Variants in CRTC2 observed in about 807,000 individuals in gnomAD.
The protein encoded by CRTC2 is CREB-regulated transcription coactivator 2.
Under a neutral mutation model 70.9 loss-of-function variants are expected in CRTC2, and 25 were observed. The observed-to-expected ratio is 0.35, with a 90% confidence interval of 0.26 to 0.49. The LOEUF is 0.49. Among genes scored for constraint, CRTC2 ranks in the 20% least tolerant of loss-of-function variants. The probability of loss-of-function intolerance (pLI) is 0.98; values close to 1 mark genes in which losing one functional copy is unlikely to be tolerated. For missense variants in CRTC2, 737 were observed against 882.6 expected, an observed-to-expected ratio of 0.83 and a Z score of 2.09; for synonymous variants, 330 against 364.1, an observed-to-expected ratio of 0.91 and a Z score of 1.07.
At position 153,958,525 on chromosome 1, in the gene CRTC2, C is replaced by G. The variant is rs369667039; in HGVS notation, c.-28G>C. 5 of 1,573,234 alleles carry G rather than the reference C, an allele frequency of 3.2e-6. No homozygotes were observed. In the South Asian group the frequency reaches 3.4e-5, roughly 11 times the overall value. ...TCCTTCCCCGTCCCTCCCTGCCACC[C>G]TCCCAGTACCAGCCGCGGCCTCCGC... On this transcript the variant is annotated 5_prime_UTR_variant, in exon 1 of 14. Transcript: ENST00000368633.
At chr1:153,953,852 T>C (rs1434958093) in intron 4 of CRTC2, among the ~76,000 whole-genome samples, 1 of 152,172 alleles carries the variant, frequency 6.6e-6, no homozygotes, top group African/African-American at 2.4e-5. Context: ...GCAGCATTCC[T>C]GGGTATGAGC....
intron 7 of CRTC2, 40 bp from the exon 8 acceptor site, chr1:153,952,675 G>A (rs1680419253): frequency 6.2e-7 from 1 of 1,612,432 alleles, no homozygotes; most frequent in African/African-American, 1.3e-5. Context: ...GTTGGAGAAA[G>A]AGCCAGTAAG....
intron 13 of CRTC2, 48 bp downstream of exon 13, chr1:153,948,410 T>C (rs1680134991): frequency 6.2e-7 from 1 of 1,610,166 alleles, no homozygotes; most frequent in East Asian, 2.2e-5. Context: ...CATTAGTGAA[T>C]GTGTCACTTC....
Position 153,952,234 on chromosome 1 carries a change from T to C in CRTC2, c.781A>G (p.Asn261Asp). ...ATGGCAGGTGGGAGGACAGGCACAT[T>C]GGCAGGCTGGTCAGGAGATGGAAAG... is the stretch of plus-strand genomic sequence containing the variant. ...NIFPSPDQPA[N>D]VPVLPPAMNT... Residue 261 changes from asparagine to aspartate, a missense_variant, in exon 10 of 14, where the codon AAT (asparagine) becomes GAT (aspartate). Asn to Asp is a conservative substitution (Grantham distance 23, BLOSUM62 1). This residue lies in a region of CRTC2 where 699 missense variants were observed against 823.7 expected (regional missense o/e 0.85). Coordinates refer to ENST00000368633, the MANE Select transcript of CRTC2 (RefSeq NM_181715.3). 6 of 1,610,272 alleles carry C rather than the reference T, an allele frequency of 3.7e-6. No homozygotes were observed. Among genetic ancestry groups the C allele is most frequent in the Non-Finnish European group, 5.1e-6 (6 of 1,177,510 alleles).
At chr1:153,956,286 C>T (rs1298822004) in intron 1 of CRTC2, among the ~76,000 whole-genome samples, 5 of 152,260 alleles carry the variant, frequency 3.3e-5, no homozygotes, top group Admixed American at 2.6e-4. Flanking sequence ...CAGCCCACTC[C>T]AGCATGGGCC....
rs1390729055 is a variant in CRTC2 at position 153,949,229 on chromosome 1, T to G, written c.1560A>C (p.Ser520=). 1.2e-6 allele frequency: 2 copies of G among 1,614,090 alleles called. No individual in the cohort carries two copies. The highest frequency in any genetic ancestry group is 2.2e-5 in the South Asian group (2 of 91,084). ...LPSQSCSVQS[S]GGQPPGRQSH... is the part of the protein sequence containing the mutation. The stretch of plus-strand genomic sequence containing the variant: ...ACTGCCTGCCTGGGGGCTGCCCACC[T>G]GAGGACTGCACTGAACAAGACTGAG... Residue 520 remains serine, a synonymous_variant, in exon 12 of 14, where the codon TCA becomes TCC. Transcript: ENST00000368633.
chr1:153,953,609 G>A lies in CRTC2; in HGVS notation c.435-3C>T, dbSNP rs1373818255. ...GGAAATTGCCCCAGGCCATCGTCCT[G>A]GGGTAGAAAAACAAAGTCATGAGGA... is the stretch of plus-strand genomic sequence containing the variant. On this transcript the variant is annotated splice_region_variant and splice_polypyrimidine_tract_variant and intron_variant, in intron 4 of 13. Coordinates refer to ENST00000368633, the MANE Select transcript of CRTC2 (RefSeq NM_181715.3). The A allele has an allele frequency of 6.2e-7, 1 of 1,605,920 alleles. No individual in the cohort carries two copies. The highest frequency in any genetic ancestry group is 2.2e-4 in the Middle Eastern group (1 of 4,516).
At chr1:153,953,119 G>A in intron 6 of CRTC2, 147 bp downstream of exon 6, 2 of 603,768 alleles carry the variant, frequency 3.3e-6, no homozygotes, top group South Asian at 4.1e-5. Flanking sequence ...GAGGGCGGAG[G>A]TTGCAGTGAG....
intron 10 of CRTC2, 48 bp downstream of exon 10, chr1:153,951,967 CCCT>C: frequency 6.3e-7 from 1 of 1,578,950 alleles, no homozygotes; most frequent in Non-Finnish European, 8.6e-7. Context: ...TCCCCTTCAT[CCCT>C]CCAGTCAGGC....
At chr1:153,953,206 A>G (rs1680449943) in intron 6 of CRTC2, 60 bp downstream of exon 6, 2 of 827,960 alleles carry the variant, frequency 2.4e-6, no homozygotes, top group Non-Finnish European at 3.6e-6. Context: ...ATAATAAATA[A>G]ATAAATAAAT....
At position 153,949,309 on chromosome 1, in the gene CRTC2, C is replaced by A; in HGVS notation, c.1480G>T (p.Val494Phe). 1 of 1,613,982 alleles carries A rather than the reference C, an allele frequency of 6.2e-7. No homozygotes were observed. Among genetic ancestry groups the A allele is most frequent in the South Asian group, 1.1e-5 (1 of 91,076 alleles). The change falls in exon 12 of 14, where the codon GTT becomes TTT. Residue 494 changes from valine (V) to phenylalanine (F), a missense_variant. Val to Phe is a conservative substitution (Grantham distance 50, BLOSUM62 -1). This residue lies in a region of CRTC2 where 699 missense variants were observed against 823.7 expected (regional missense o/e 0.85). Coordinates refer to ENST00000368633, the MANE Select transcript of CRTC2 (RefSeq NM_181715.3). The stretch of plus-strand genomic sequence containing the variant: ...GGGGTGTGGGGCTGGGTAGGCAGAA[C>A]CAGACTTGGGGAGCTGTATGGGTAT... ...PPYPYSSPSL[V>F]LPTQPHTPKS...
rs1363939117 is a variant in CRTC2 at position 153,954,236 on chromosome 1, GC to G, written c.434+18del. 4 of 1,600,564 alleles carry G rather than the reference GC, an allele frequency of 2.5e-6. No individual in the cohort carries two copies. The highest frequency in any genetic ancestry group is 1.7e-5 in the Admixed American group (1 of 59,490). Reference sequence around the variant, plus strand: ...CGTCAGAGAGTAGGCAGGAGCTTCTGCCCGCCCTGGACACTTACCTTCGCCA... The same window carrying G: ...CGTCAGAGAGTAGGCAGGAGCTTCTGCCGCCCTGGACACTTACCTTCGCCA... On this transcript the variant is annotated intron_variant, in intron 4 of 13. Coordinates refer to ENST00000368633, the MANE Select transcript of CRTC2 (RefSeq NM_181715.3).
intron 11 of CRTC2, among the ~76,000 whole-genome samples, chr1:153,949,680 C>G (rs2102103133): frequency 6.6e-6 from 1 of 152,218 alleles, no homozygotes; most frequent in East Asian, 1.9e-4. Flanking sequence ...GAAACCCCGT[C>G]TCTACTAAAA....
rs1446820540 is a variant in CRTC2, at chr1:153,948,487, T to C, written c.1832A>G (p.His611Arg). The stretch of plus-strand genomic sequence containing the variant: ...GAGGATGATGTTAGGCCCTGAGCCA[T>C]GGCGGGAACAGTGGGTCAAGTTCTG... ...NHQNLTHCSR[H>R]GSGPNIILTG... Residue 611 changes from histidine to arginine, a missense_variant, in exon 13 of 14, where the codon CAT (histidine) becomes CGT (arginine). Coordinates refer to ENST00000368633, the MANE Select transcript of CRTC2 (RefSeq NM_181715.3). The C allele has an allele frequency of 1.2e-6, 2 of 1,609,290 alleles. No individual in the cohort carries two copies. Among genetic ancestry groups the C allele is most frequent in the East Asian group, 2.2e-5 (1 of 44,816 alleles).
At position 153,949,299 on chromosome 1, in the gene CRTC2, G is replaced by A. The variant is rs1680195046; in HGVS notation, c.1490C>T (p.Thr497Ile). 7 of 1,614,076 alleles carry A rather than the reference G, an allele frequency of 4.3e-6. No individual in the cohort carries two copies. The highest frequency in any genetic ancestry group is 5.9e-6 in the Non-Finnish European group (7 of 1,180,004). Residue 497 changes from threonine (T) to isoleucine (I), a missense_variant, in exon 12 of 14, where the codon ACC becomes ATC. Thr to Ile is a moderately conservative substitution (Grantham distance 89). Coordinates refer to ENST00000368633, the MANE Select transcript of CRTC2 (RefSeq NM_181715.3). ...PYSSPSLVLP[T>I]QPHTPKSLQQ... ...TAGAGACTTTGGGGTGTGGGGCTGG[G>A]TAGGCAGAACCAGACTTGGGGAGCT...
intron 1 of CRTC2, among the ~76,000 whole-genome samples, chr1:153,955,874 C>A (rs1680593772): frequency 6.6e-6 from 1 of 151,942 alleles, no homozygotes; most frequent in Non-Finnish European, 1.5e-5. Context: ...CTGCTGAGGG[C>A]CTGTCTCATT....
Position 153,948,017 on chromosome 1 carries a change from C to T in CRTC2, c.*92G>A. On this transcript the variant is annotated 3_prime_UTR_variant, in exon 14 of 14. Transcript: ENST00000368633. Reference sequence around the variant, plus strand: ...TCATGCTAGAAAGAGGATCTGGGGACAGAGAGTAGAGTCTCTACCTGCCAG... The same window carrying T: ...TCATGCTAGAAAGAGGATCTGGGGATAGAGAGTAGAGTCTCTACCTGCCAG... The T allele has an allele frequency of 8.3e-7, 1 of 1,204,470 alleles. No individual in the cohort carries two copies. Among genetic ancestry groups the T allele is most frequent in the East Asian group, 2.5e-5 (1 of 40,244 alleles). The allele number at this position is 1,204,470 out of a possible 1,614,324, so 74.6% of individuals were successfully genotyped here. A position where few individuals can be genotyped will look rare whatever the true frequency, so the allele number is the denominator to read the frequency against.
chr1:153,952,913 G>A, intron 6 of CRTC2, 79 bp from the exon 7 acceptor site: 1 of 1,554,006 alleles, frequency 6.4e-7, no homozygotes, highest in Admixed American at 1.7e-5. Context: ...GCCGGGTATG[G>A]TGGCTCATGC....
intron 11 of CRTC2, among the ~76,000 whole-genome samples, chr1:153,950,461 A>G (rs937980529): frequency 6.6e-6 from 1 of 152,228 alleles, no homozygotes; most frequent in Non-Finnish European, 1.5e-5. Context: ...AACACAGAAC[A>G]CACATTCCAG....
Sources: allele counts gnomAD v4.1 joint callset (sites outside exome capture counted in the v4.1 genomes callset), GRCh38; gene constraint gnomAD v4.1.1; regional missense constraint gnomAD v4.1.1; transcripts MANE v1.5; gene names NCBI Gene and HGNC (gene_info 2026-07-23, HGNC 2026-07-21).